Variants in VPS13C observed in about 807,000 individuals in gnomAD.
The protein encoded by VPS13C is intermembrane lipid transfer protein VPS13C.
In VPS13C, 358 loss-of-function variants were observed where a neutral mutation model predicts 456.8. The ratio of observed to expected loss-of-function variants is 0.78; its 90% CI spans 0.72 to 0.86. The LOEUF is 0.86. VPS13C is among the 40% of genes least tolerant of loss of function. The probability of loss-of-function intolerance (pLI) is 0.00; values close to 1 mark genes in which losing one functional copy is unlikely to be tolerated. For missense variants in VPS13C, 4,818 were observed against 4,385.4 expected (o/e 1.10, Z -2.79); for synonymous variants, 1,578 against 1,486.7 (o/e 1.06, Z -1.41).
rs1363246442 is a variant in VPS13C, at chr15:61,920,085, A to T, written c.7459T>A (p.Phe2487Ile). Residue 2487 changes from phenylalanine to isoleucine, a missense_variant, in exon 57 of 85, where the codon TTC becomes ATC. By Grantham distance (21) the Phe-to-Ile change is conservative. Transcript: ENST00000644861. ...AGCCTACCAATGGTCAGAGTGAAGA[A>T]GGAGCTTTCTTGACGGCTCAATATA... ...LSILSRQESSFFTLTIVPHGY... is the reference protein window; with the variant it reads ...LSILSRQESSIFTLTIVPHGY... 6.2e-7 allele frequency: 1 copy of T among 1,607,212 alleles called. No homozygotes were observed. Among genetic ancestry groups the T allele is most frequent in the Admixed American group, 1.7e-5 (1 of 59,790 alleles).
At chr15:61,978,871 G>T in intron 22 of VPS13C, 122 bp from the exon 23 acceptor site, 1 of 823,646 alleles carries the variant, frequency 1.2e-6, no homozygotes, top group Non-Finnish European at 1.8e-6. Context: ...TGAAAATACT[G>T]CTCTTAATGA....
intron 49 of VPS13C, among the ~76,000 whole-genome samples, chr15:61,933,158 T>C (rs1256605118): frequency 6.6e-6 from 1 of 152,140 alleles, no homozygotes; most frequent in Non-Finnish European, 1.5e-5. Context: ...AGCATCTCAA[T>C]GAATAAGGAA....
chr15:61,988,480 T>C (rs945554882), intron 18 of VPS13C, among the ~76,000 whole-genome samples: 1 of 152,186 alleles, frequency 6.6e-6, no homozygotes, highest in African/African-American at 2.4e-5. Flanking sequence ...TGTGCTATAT[T>C]TATAGGTGAA....
At chr15:61,933,555 C>T (rs760913805) in intron 49 of VPS13C, among the ~76,000 whole-genome samples, 9 of 151,886 alleles carry the variant, frequency 5.9e-5, no homozygotes, top group South Asian at 2.1e-4. Flanking sequence ...ATAATCAATA[C>T]GGAATATGGA....
chr15:61,919,214 A>G, intron 58 of VPS13C, 75 bp downstream of exon 58: 1 of 1,405,614 alleles, frequency 7.1e-7, no homozygotes, highest in Non-Finnish European at 9.6e-7. Flanking sequence ...GTTTTACTGT[A>G]TTCCTATATT....
intron 3 of VPS13C, among the ~76,000 whole-genome samples, chr15:62,036,331 C>T (rs996505001): frequency 4.0e-5 from 6 of 151,826 alleles, no homozygotes; most frequent in Non-Finnish European, 7.4e-5. Flanking sequence ...AACTGAAAAA[C>T]AGTATAACAA....
At chr15:61,880,464 G>A (rs945392752) in intron 73 of VPS13C, 145 bp downstream of exon 73, 30 of 536,292 alleles carry the variant, frequency 5.6e-5, no homozygotes, top group African/African-American at 4.4e-4. Flanking sequence ...ATGCTACAGA[G>A]AACTGTCTTA....
At chr15:62,056,928 G>A (rs1189878666) in intron 1 of VPS13C, among the ~76,000 whole-genome samples, 3 of 152,130 alleles carry the variant, frequency 2.0e-5, no homozygotes, top group Non-Finnish European at 4.4e-5. Flanking sequence ...TATCATTGGA[G>A]ATGACCCACA....
rs1596357413 is a variant in VPS13C at position 61,939,374 on chromosome 15, T to C, written c.5601+1273A>G. Reference sequence around the variant, plus strand: ...ATTGTTCTTCATGTAATATATCCACTAGTATATGAACAGAAACCCTTCATT... The same window carrying C: ...ATTGTTCTTCATGTAATATATCCACCAGTATATGAACAGAAACCCTTCATT... On this transcript the variant is annotated intron_variant, in intron 47 of 84. Transcript: ENST00000644861. 2.0e-5 allele frequency among the ~76,000 whole-genome samples: 3 copies of C among 152,310 alleles called. No individual in the cohort carries two copies. The South Asian group carries it at 6.2e-4, about 32-fold the overall frequency.
intron 47 of VPS13C, among the ~76,000 whole-genome samples, chr15:61,937,594 C>T (rs557089235): frequency 6.6e-6 from 1 of 152,324 alleles, no homozygotes; most frequent in African/African-American, 2.4e-5. Flanking sequence ...CCTGCCTCAA[C>T]CTCGTGAGTA....
In VPS13C at chr15:61,974,259, G is replaced by C. The variant is rs370241064; in HGVS notation, c.2538+29C>G. ...TCACTGCTCTAAAACAATAAAAATAGGGTTATACATTTTATTGTATCTATT... is the reference window on the plus strand; with the variant it reads ...TCACTGCTCTAAAACAATAAAAATACGGTTATACATTTTATTGTATCTATT... On this transcript the variant is annotated intron_variant, in intron 25 of 84. Coordinates refer to ENST00000644861, the MANE Select transcript of VPS13C (RefSeq NM_020821.3). The C allele has an allele frequency of 4.4e-6, 7 of 1,596,212 alleles. No homozygotes were observed. In the African/African-American group the frequency reaches 5.4e-5, roughly 12 times the overall value.
At chr15:61,888,810 T>C (rs1047141831) in intron 67 of VPS13C, among the ~76,000 whole-genome samples, 16 of 152,246 alleles carry the variant, frequency 1.1e-4, no homozygotes, top group East Asian at 3.9e-4. Context: ...TCAGAACTCA[T>C]AGAATGTACA....
In VPS13C at chr15:62,028,412, A is replaced by G; in HGVS notation, c.394T>C (p.Ser132Pro). The stretch of plus-strand genomic sequence containing the variant: ...TCCAAGCCATATATGAACTCCCCTG[A>G]ATGTGTGCCTGCATCCCACATGGCA... ...LQKAAEKGTH[S>P]GEFIYGLENF... is the part of the protein sequence containing the mutation. The change falls in exon 6 of 85, where the codon TCA (serine) becomes CCA (proline). Residue 132 changes from serine to proline, a missense_variant. Physicochemically the swap from Ser to Pro is moderately conservative, Grantham distance 74 (BLOSUM62 -1). Transcript: ENST00000644861. 1.2e-6 allele frequency: 2 copies of G among 1,613,016 alleles called. No homozygotes were observed. The highest frequency in any genetic ancestry group is 1.7e-6 in the Non-Finnish European group (2 of 1,179,246).
intron 1 of VPS13C, among the ~76,000 whole-genome samples, chr15:62,059,624 C>G (rs1365639643): frequency 6.6e-6 from 1 of 152,084 alleles, no homozygotes; most frequent in African/African-American, 2.4e-5. Flanking sequence ...CTCTATTGCT[C>G]CAAAACAAAA....
Position 61,917,538 on chromosome 15 carries a change from C to T in VPS13C, c.7858G>A (p.Glu2620Lys). Residue 2620 changes from glutamate to lysine, a missense_variant, in exon 60 of 85, where the codon GAA becomes AAA. By Grantham distance (56) the Glu-to-Lys change is moderately conservative. Transcript: ENST00000644861. ...GGACACTGCAACATGCATCTGACTTCCCTGCTCCTATGAAGTTCTTCCTTC... is the reference window on the plus strand; with the variant it reads ...GGACACTGCAACATGCATCTGACTTTCCTGCTCCTATGAAGTTCTTCCTTC... The part of the protein sequence containing the change: ...SWKEELHRSR[E>K]VRCMLQCPSV... 1.2e-6 allele frequency: 2 copies of T among 1,614,002 alleles called. No homozygotes were observed. The highest frequency in any genetic ancestry group is 2.2e-5 in the East Asian group (1 of 44,868).
chr15:61,918,670 T>C (rs190650616), intron 58 of VPS13C, among the ~76,000 whole-genome samples: 5 of 152,162 alleles, frequency 3.3e-5, no homozygotes, highest in Non-Finnish European at 7.4e-5. Context: ...CTGTTACGCA[T>C]TGGAGCAAAT....
At chr15:62,001,653 A>G (rs1458216874) in intron 15 of VPS13C, among the ~76,000 whole-genome samples, 1 of 152,074 alleles carries the variant, frequency 6.6e-6, no homozygotes, top group Non-Finnish European at 1.5e-5. Flanking sequence ...ATATCTCCCA[A>G]TGCTATCCCT....
At chr15:61,972,574 C>T (rs1169981564) in intron 27 of VPS13C, 51 bp downstream of exon 27, 1 of 1,587,782 alleles carries the variant, frequency 6.3e-7, no homozygotes, top group African/African-American at 1.4e-5. Context: ...GGATAGCTTA[C>T]AAGATAGTGA....
chr15:61,880,354 G>A (rs1243455835), intron 73 of VPS13C, among the ~76,000 whole-genome samples: 1 of 151,502 alleles, frequency 6.6e-6, no homozygotes, highest in African/African-American at 2.4e-5. Flanking sequence ...GCTTAATTAA[G>A]AAACGCTTTT....
Sources: allele counts gnomAD v4.1 joint callset (sites outside exome capture counted in the v4.1 genomes callset), GRCh38; gene constraint gnomAD v4.1.1; transcripts MANE v1.5; gene names NCBI Gene and HGNC (gene_info 2026-07-23, HGNC 2026-07-21).